PTPRN2: variants seen among roughly 807,000 people sequenced by gnomAD.
The protein encoded by PTPRN2 is protein tyrosine phosphatase receptor type N2, also known as receptor-type tyrosine-protein phosphatase N2.
PTPRN2 carries 74 observed loss-of-function variants against 118.8 expected under a neutral mutation model. The ratio of observed to expected loss-of-function variants is 0.62; its 90% CI spans 0.52 to 0.76. The LOEUF (loss-of-function observed/expected upper bound fraction) is 0.76, where lower values mean the gene tolerates loss of function less well. Among genes scored for constraint, PTPRN2 ranks in the 30% least tolerant of loss-of-function variants. PTPRN2 has a pLI of 0.00. For synonymous variants in PTPRN2, 641 were observed against 608.0 expected, an observed-to-expected ratio of 1.05 and a Z score of -0.80; for missense variants, 1,481 against 1,394.4, an observed-to-expected ratio of 1.06 and a Z score of -0.99.
At chr7:158,045,616 T>C (rs1166759708) in intron 11 of PTPRN2, among the ~76,000 whole-genome samples, 5 of 152,248 alleles carry the variant, frequency 3.3e-5, no homozygotes, top group African/African-American at 1.2e-4. Flanking sequence ...TCCTGTTTTA[T>C]CATTTGAAAC....
At chr7:157,643,650 C>T (rs555375909) in intron 14 of PTPRN2, among the ~76,000 whole-genome samples, 5 of 152,366 alleles carry the variant, frequency 3.3e-5, no homozygotes, top group Admixed American at 2.0e-4. Flanking sequence ...GTTCCTTGCA[C>T]AGCCGCTGCT....
At chr7:157,737,344 C>T (rs1422583778) in intron 12 of PTPRN2, among the ~76,000 whole-genome samples, 2 of 152,198 alleles carry the variant, frequency 1.3e-5, no homozygotes, top group Non-Finnish European at 2.9e-5. Context: ...AGGCTCTGTT[C>T]GCTGAGCCTC....
chr7:158,504,888 T>G (rs1822631990), intron 1 of PTPRN2, among the ~76,000 whole-genome samples: 3 of 152,250 alleles, frequency 2.0e-5, no homozygotes, highest in African/African-American at 7.2e-5. Context: ...TTTTTTCCTC[T>G]TAGGATACAT....
At chr7:157,753,603 C>T (rs907387610) in intron 12 of PTPRN2, among the ~76,000 whole-genome samples, 3 of 152,070 alleles carry the variant, frequency 2.0e-5, no homozygotes, top group Non-Finnish European at 4.4e-5. Flanking sequence ...TGTTTCTAGT[C>T]GAAGCTCCGT....
At chr7:158,147,786 C>A (rs71544531) in intron 6 of PTPRN2, among the ~76,000 whole-genome samples, 8 of 111,336 alleles carry the variant, frequency 7.2e-5, no homozygotes, top group African/African-American at 7.5e-5. Context: ...GTTATTCCCC[C>A]TCACTGACAC....
intron 12 of PTPRN2, among the ~76,000 whole-genome samples, chr7:157,862,369 T>A (rs141948633): frequency 5.6e-4 from 85 of 152,378 alleles, no homozygotes; most frequent in African/African-American, 1.9e-3. Flanking sequence ...AGCCCACGGC[T>A]AGGGGATTCC....
At chr7:158,407,191 T>C (rs796435153) in intron 2 of PTPRN2, among the ~76,000 whole-genome samples, 5,968 of 26,510 alleles carry the variant, frequency 0.23, 316 homozygotes, top group East Asian at 0.32. Context: ...TCCTGGGTCC[T>C]GGGTCCTGGG....
rs773501138 is a variant in PTPRN2 at position 157,676,943 on chromosome 7, C to T, written c.2001+5782G>A. Among the ~76,000 whole-genome samples the T allele has an allele frequency of 1.3e-4, 20 of 152,114 alleles. No homozygotes were observed. The highest frequency in any genetic ancestry group is 1.8e-4 in the Non-Finnish European group (12 of 67,998). On this transcript the variant is annotated intron_variant, in intron 13 of 22. Transcript: ENST00000389418. This position sits in a 1 kb window ranked among gnomAD's most constrained non-coding sequence, Gnocchi z 5.6. ...GAGGCGGACTGGTACACAACACAAG[C>T]CTAAGGGAAGCAGCACCCGCTCCAC...
At position 158,544,453 on chromosome 7, in the gene PTPRN2, T is replaced by G. The variant is rs906682933; in HGVS notation, c.112+43105A>C. ...GAGTTTGAGACCAGCCTGGCCAACA[T>G]AGTGAAACCCTGTCTCTAATAAAAA... On this transcript the variant is annotated intron_variant, in intron 1 of 22. Transcript: ENST00000389418. This position sits in a 1 kb window ranked among gnomAD's most constrained non-coding sequence, Gnocchi z 4.2. 6.6e-6 allele frequency among the ~76,000 whole-genome samples: 1 copy of G among 152,040 alleles called. No individual in the cohort carries two copies. Among genetic ancestry groups the G allele is most frequent in the South Asian group, 2.1e-4 (1 of 4,818 alleles).
chr7:158,442,887 A>T (rs1284707556), intron 2 of PTPRN2, among the ~76,000 whole-genome samples: 1 of 133,944 alleles, frequency 7.5e-6, no homozygotes, highest in Non-Finnish European at 1.6e-5. Flanking sequence ...ATCTCCTGCC[A>T]CCATTCTTGC....
At chr7:158,168,046 T>C (rs1291734327) in intron 5 of PTPRN2, among the ~76,000 whole-genome samples, 1 of 152,230 alleles carries the variant, frequency 6.6e-6, no homozygotes, top group Non-Finnish European at 1.5e-5. Context: ...ACTCGACATT[T>C]AACTGACTGA....
At chr7:157,793,735 C>A (rs1188692328) in intron 12 of PTPRN2, among the ~76,000 whole-genome samples, 1 of 152,198 alleles carries the variant, frequency 6.6e-6, no homozygotes, top group Non-Finnish European at 1.5e-5. Flanking sequence ...ACGTATAGAT[C>A]CACTGGAGGC....
At chr7:158,213,129 T>C (rs1234040996) in intron 3 of PTPRN2, among the ~76,000 whole-genome samples, 1 of 152,046 alleles carries the variant, frequency 6.6e-6, no homozygotes, top group Admixed American at 6.6e-5. Context: ...CTAAATATCA[T>C]GTAATTACAG....
chr7:158,548,051 C>T (rs1038571478), intron 1 of PTPRN2, among the ~76,000 whole-genome samples: 1 of 152,212 alleles, frequency 6.6e-6, no homozygotes, highest in African/African-American at 2.4e-5. Context: ...CAGCAGGTTT[C>T]CCAGGAATCT....
At chr7:158,417,850 C>T (rs1006939699) in intron 2 of PTPRN2, among the ~76,000 whole-genome samples, 3 of 149,878 alleles carry the variant, frequency 2.0e-5, no homozygotes, top group Admixed American at 1.3e-4. Flanking sequence ...TGTACTACAT[C>T]GAGATGCTCT....
intron 11 of PTPRN2, among the ~76,000 whole-genome samples, chr7:157,951,662 C>T (rs1800819070): frequency 1.3e-5 from 2 of 152,262 alleles, no homozygotes; most frequent in Non-Finnish European, 2.9e-5. Context: ...TAACGTCCCT[C>T]CGCTTCCGCA....
intron 9 of PTPRN2, 87 bp downstream of exon 9, chr7:158,133,590 C>T (rs926237478): frequency 2.9e-5 from 43 of 1,487,194 alleles, no homozygotes; most frequent in Middle Eastern, 2.5e-4. Flanking sequence ...CGTATGCATC[C>T]GCCACAGCAA....
rs1294386145 is a variant in PTPRN2 at position 157,578,154 on chromosome 7, A to G, written c.2497-14T>C. ...CTCCCACACCATCTGCGGACAAAGA[A>G]GGCCCGTGGCCGCGGTGTGACTGTC... On this transcript the variant is annotated splice_polypyrimidine_tract_variant and intron_variant, in intron 17 of 22. Coordinates refer to ENST00000389418, the MANE Select transcript of PTPRN2 (RefSeq NM_002847.5). 6.2e-7 allele frequency: 1 copy of G among 1,601,086 alleles called. No individual in the cohort carries two copies.
At chr7:158,304,439 G>A (rs963198737) in intron 3 of PTPRN2, among the ~76,000 whole-genome samples, 2 of 148,348 alleles carry the variant, frequency 1.3e-5, no homozygotes, top group African/African-American at 4.9e-5. Context: ...ATGCTAGGGA[G>A]GCATAAGACA....
Sources: gnomAD v4.1 joint callset for allele counts (sites outside exome capture counted in the v4.1 genomes callset) on GRCh38, gnomAD v4.1.1 for gene constraint, Gnocchi (gnomAD v3.1) non-coding constraint, MANE v1.5 for transcripts, NCBI Gene and HGNC (gene_info 2026-07-23, HGNC 2026-07-21) for gene names.